Variants in TAFA2 observed in about 807,000 individuals in gnomAD.
The protein encoded by TAFA2 is chemokine-like protein TAFA-2.
In TAFA2, 7 loss-of-function variants were observed where a neutral mutation model predicts 18.8. The observed-to-expected ratio is 0.37, with a 90% CI of 0.21 to 0.70. The LOEUF (loss-of-function observed/expected upper bound fraction) is 0.70. TAFA2 is among the 30% of genes least tolerant of loss of function. The pLI, the probability that TAFA2 is intolerant of heterozygous loss-of-function variation, is 0.53. For missense variants in TAFA2, 122 were observed against 158.1 expected, an observed-to-expected ratio of 0.77 and a Z score of 1.23; for synonymous variants, 60 against 54.2, an observed-to-expected ratio of 1.11 and a Z score of -0.47.
chr12:62,090,560 C>A (rs1868666722), intron 1 of TAFA2, among the ~76,000 whole-genome samples: 1 of 151,906 alleles, frequency 6.6e-6, no homozygotes, highest in Non-Finnish European at 1.5e-5. Context: ...TTTCCTTTGG[C>A]AATCAAGAAA....
chr12:61,865,527 C>G (rs1388412141), intron 2 of TAFA2, among the ~76,000 whole-genome samples: 2 of 152,134 alleles, frequency 1.3e-5, no homozygotes, highest in South Asian at 4.1e-4. Context: ...CAAAAAAACT[C>G]TATCTTCTGT....
chr12:61,928,385 C>T (rs561594997), intron 1 of TAFA2, among the ~76,000 whole-genome samples: 21 of 152,224 alleles, frequency 1.4e-4, no homozygotes, highest in African/African-American at 3.9e-4. Context: ...CAAAAGAAGA[C>T]GTTTATGTGG....
chr12:61,876,654 A>G (rs1482919803), intron 1 of TAFA2, among the ~76,000 whole-genome samples: 1 of 152,080 alleles, frequency 6.6e-6, no homozygotes, highest in African/African-American at 2.4e-5. Flanking sequence ...TAAAGCACCA[A>G]CATCAACATA....
chr12:62,211,512 G>A (rs112889394), intron 1 of TAFA2, among the ~76,000 whole-genome samples: 8 of 151,808 alleles, frequency 5.3e-5, no homozygotes, highest in Non-Finnish European at 7.4e-5. Flanking sequence ...CCTGGGAGGC[G>A]GAGGTTGCAG....
intron 1 of TAFA2, among the ~76,000 whole-genome samples, chr12:62,160,387 T>C (rs1351109121): frequency 6.6e-6 from 1 of 152,242 alleles, no homozygotes; most frequent in African/African-American, 2.4e-5. Context: ...ACTTGCTTCT[T>C]TGAGCTCTCA....
chr12:61,756,950 G>A (rs1348807367), intron 2 of TAFA2, among the ~76,000 whole-genome samples: 1 of 152,100 alleles, frequency 6.6e-6, no homozygotes, highest in Non-Finnish European at 1.5e-5. Flanking sequence ...TGGCTGGAGT[G>A]TGGCTAAACA....
chr12:61,954,268 C>T (rs181586078), intron 1 of TAFA2, among the ~76,000 whole-genome samples: 6 of 152,160 alleles, frequency 3.9e-5, no homozygotes, highest in Non-Finnish European at 7.4e-5. Context: ...GAAACAGATG[C>T]TGAAGTTAAA....
At chr12:61,894,964 T>C (rs892066465) in intron 1 of TAFA2, among the ~76,000 whole-genome samples, 1 of 152,240 alleles carries the variant, frequency 6.6e-6, no homozygotes, top group Non-Finnish European at 1.5e-5. Context: ...GCATGTTTAC[T>C]ACCATTTATA....
chr12:61,708,879 C>A lies in TAFA2; in HGVS notation c.*1527G>T, dbSNP rs1299655749. ...ATATATGGGCCTCTATCCTGGAAACCAACGTATGTCTAACTGACCACGTCA... is the reference window on the plus strand; with the variant it reads ...ATATATGGGCCTCTATCCTGGAAACAAACGTATGTCTAACTGACCACGTCA... On this transcript the variant is annotated 3_prime_UTR_variant, in exon 5 of 5. Transcript: ENST00000416284. 1.3e-5 allele frequency: 2 copies of A among 152,108 alleles called. No homozygotes were observed. Among genetic ancestry groups the A allele is most frequent in the African/African-American group, 4.8e-5 (2 of 41,446 alleles). The allele number at this position is 152,108 out of a possible 1,614,324, so 9.4% of individuals were successfully genotyped here.
chr12:62,008,750 C>T (rs1056082328), intron 1 of TAFA2, among the ~76,000 whole-genome samples: 1 of 152,182 alleles, frequency 6.6e-6, no homozygotes, highest in Non-Finnish European at 1.5e-5. Context: ...ATCAGGATTA[C>T]ACACAAGAAA....
Position 61,974,547 on chromosome 12 carries a change from T to G in TAFA2, c.-1-107121A>C, listed in dbSNP as rs563797498. Among the ~76,000 whole-genome samples, 12 of 151,944 alleles carry G rather than the reference T, an allele frequency of 7.9e-5. No homozygotes were observed. In the South Asian group the frequency reaches 2.5e-3, roughly 31 times the overall value. ...TATATTTCAATGGAAGTTTTAAGTA[T>G]CATTTAAAACAGATTTTATAAAGTA... is the stretch of plus-strand genomic sequence containing the variant. On this transcript the variant is annotated intron_variant, in intron 1 of 4. Transcript: ENST00000416284.
At chr12:61,788,036 G>T (rs77348152) in intron 2 of TAFA2, among the ~76,000 whole-genome samples, 2,803 of 151,688 alleles carry the variant, frequency 0.018, 83 homozygotes, top group African/African-American at 0.064. Flanking sequence ...AAAATCAAAA[G>T]CAAGTAGGAG....
At chr12:61,722,107 T>C (rs187447514) in intron 4 of TAFA2, among the ~76,000 whole-genome samples, 166 of 152,276 alleles carry the variant, frequency 1.1e-3, no homozygotes, top group Middle Eastern at 6.8e-3. Flanking sequence ...GTATGTAAAT[T>C]GGCTATTAAT....
At chr12:62,047,101 A>G (rs554277891) in intron 1 of TAFA2, among the ~76,000 whole-genome samples, 1 of 152,268 alleles carries the variant, frequency 6.6e-6, no homozygotes, top group South Asian at 2.1e-4. Context: ...TAATTAGGTC[A>G]GGAACTGAAG....
intron 1 of TAFA2, among the ~76,000 whole-genome samples, chr12:62,077,948 G>A (rs998179360): frequency 6.6e-6 from 1 of 152,054 alleles, no homozygotes; most frequent in African/African-American, 2.4e-5. Context: ...AAATCAACAT[G>A]TCCCTAATTT....
intron 1 of TAFA2, among the ~76,000 whole-genome samples, chr12:61,977,187 T>C (rs1879469306): frequency 1.3e-5 from 2 of 152,032 alleles, no homozygotes; most frequent in African/African-American, 4.8e-5. Flanking sequence ...TACTCCCAAA[T>C]GAAAGACTCA....
At chr12:62,055,046 C>A (rs1030146022) in intron 1 of TAFA2, among the ~76,000 whole-genome samples, 1 of 152,038 alleles carries the variant, frequency 6.6e-6, no homozygotes, top group Admixed American at 6.6e-5. Flanking sequence ...GGAGGTGAGG[C>A]CTTTGAGGCT....
chr12:62,053,414 C>T (rs1278569452), intron 1 of TAFA2, among the ~76,000 whole-genome samples: 1 of 151,850 alleles, frequency 6.6e-6, no homozygotes, highest in Non-Finnish European at 1.5e-5. Flanking sequence ...AAGAAAAGAC[C>T]CTAAATACAA....
intron 1 of TAFA2, among the ~76,000 whole-genome samples, chr12:61,984,348 G>C (rs1879744394): frequency 6.6e-6 from 1 of 152,206 alleles, no homozygotes; most frequent in Non-Finnish European, 1.5e-5. Flanking sequence ...GTAAGCTGTA[G>C]AATGTGCAGG....
Sources: allele counts gnomAD v4.1 joint callset (sites outside exome capture counted in the v4.1 genomes callset), GRCh38; gene constraint gnomAD v4.1.1; transcripts MANE v1.5; gene names NCBI Gene and HGNC (gene_info 2026-07-23, HGNC 2026-07-21).